The following CHD9 variants were observed in gnomAD, a reference collection of about 807,000 sequenced individuals.
The protein encoded by CHD9 is ATP-dependent chromatin remodeler CHD9.
CHD9 carries 77 observed loss-of-function variants against 316.1 expected under a neutral mutation model. The ratio of observed to expected loss-of-function variants is 0.24; its 90% CI spans 0.20 to 0.29. The LOEUF is 0.29. Among genes scored for constraint, CHD9 ranks in the 10% least tolerant of loss-of-function variants. CHD9 has a pLI of 1.00. For missense variants in CHD9, 2,763 were observed against 3,438.1 expected, an observed-to-expected ratio of 0.80 and a Z score of 4.91; for synonymous variants, 1,129 against 1,158.3, an observed-to-expected ratio of 0.97 and a Z score of 0.51.
chr16:53,200,370 CAAA>C (rs60076527), intron 2 of CHD9, among the ~76,000 whole-genome samples: 16 of 88,224 alleles, frequency 1.8e-4, no homozygotes, highest in South Asian at 1.1e-3. Context: ...TACTCTGTCT[CAAA>C]AAAAAAAAAA....
chr16:53,059,483 A>G (rs530138139), intron 1 of CHD9, among the ~76,000 whole-genome samples: 2 of 152,310 alleles, frequency 1.3e-5, no homozygotes, highest in South Asian at 4.1e-4. Flanking sequence ...TAGTCAAAAA[A>G]TATTACTGGT....
chr16:53,123,299 GC>G (rs1455604208), intron 1 of CHD9, among the ~76,000 whole-genome samples: 4 of 147,654 alleles, frequency 2.7e-5, no homozygotes, highest in Non-Finnish European at 5.9e-5. Context: ...CTATTTTATT[GC>G]CCCCCAGAAG....
intron 2 of CHD9, among the ~76,000 whole-genome samples, chr16:53,204,058 TACACACACACAC>T (rs58259105): frequency 1.1e-4 from 7 of 63,010 alleles, no homozygotes; most frequent in Admixed American, 5.6e-4. Context: ...AATATATATA[TACACACACACAC>T]ACACACACAC....
Position 53,292,974 on chromosome 16 carries a change from C to T in CHD9, c.5432C>T (p.Pro1811Leu). ...CAGATACAACCGACTTTCTCGGTGCCTACCAGTGTAATGCAGCCTATTTAT... is the reference window on the plus strand; with the variant it reads ...CAGATACAACCGACTTTCTCGGTGCTTACCAGTGTAATGCAGCCTATTTAT... ...IQQIQPTFSV[P>L]TSVMQPIYEE... is the part of the protein sequence containing the mutation. Residue 1811 changes from proline (P) to leucine (L), a missense_variant, in exon 29 of 39, where the codon CCT (proline) becomes CTT (leucine). Pro to Leu is a moderately conservative substitution (Grantham distance 98). Transcript: ENST00000447540. The T allele has an allele frequency of 6.2e-7, 1 of 1,613,808 alleles. No homozygotes were observed. The highest frequency in any genetic ancestry group is 1.1e-5 in the South Asian group (1 of 91,066).
At position 53,273,678 on chromosome 16, in the gene CHD9, A is replaced by T; in HGVS notation, c.4770A>T (p.Gln1590His). 1 of 1,613,284 alleles carries T rather than the reference A, an allele frequency of 6.2e-7. No homozygotes were observed. The highest frequency in any genetic ancestry group is 8.5e-7 in the Non-Finnish European group (1 of 1,179,478). Reference protein sequence around the residue: ...RGRKGKKVKTQTSSFDIQKAE... With the variant: ...RGRKGKKVKTHTSSFDIQKAE... ...GAAAAGGGAAGAAAGTAAAAACTCA[A>T]ACAAGCTCATTTGATATACAAAAAG... Residue 1590 changes from glutamine to histidine, a missense_variant, in exon 23 of 39, where the codon CAA becomes CAT. By Grantham distance (24) the Gln-to-His change is conservative (BLOSUM62 0). This residue lies in a region of CHD9 where 99 missense variants were observed against 131.6 expected (regional missense o/e 0.75). Transcript: ENST00000447540.
chr16:53,129,184 A>T (rs1367874272), intron 1 of CHD9, among the ~76,000 whole-genome samples: 1 of 152,218 alleles, frequency 6.6e-6, no homozygotes, highest in Non-Finnish European at 1.5e-5. Context: ...ATTCAAGAAA[A>T]CACGAACGTT....
chr16:53,298,019 A>G (rs2054961185), intron 30 of CHD9, among the ~76,000 whole-genome samples: 1 of 152,212 alleles, frequency 6.6e-6, no homozygotes, highest in Non-Finnish European at 1.5e-5. Context: ...TTTTTTAAAA[A>G]TTTTCTTAAT....
At chr16:53,290,274 AAAG>A (rs1400057905) in intron 27 of CHD9, among the ~76,000 whole-genome samples, 1 of 152,112 alleles carries the variant, frequency 6.6e-6, no homozygotes, top group Admixed American at 6.5e-5. Flanking sequence ...GTCTCAAAAA[AAAG>A]AAACTGCTCA....
At chr16:53,142,040 A>G (rs577061289) in intron 1 of CHD9, among the ~76,000 whole-genome samples, 1 of 152,336 alleles carries the variant, frequency 6.6e-6, no homozygotes, top group South Asian at 2.1e-4. Context: ...TAGGAAGTAC[A>G]TATGTTGAGA....
intron 2 of CHD9, among the ~76,000 whole-genome samples, chr16:53,188,377 C>A (rs997491850): frequency 3.3e-5 from 5 of 151,910 alleles, no homozygotes; most frequent in African/African-American, 9.7e-5. Flanking sequence ...TATGTTTGAC[C>A]TTTTGGGTAA....
At position 53,112,366 on chromosome 16, in the gene CHD9, G is replaced by A. The variant is rs1295742214; in HGVS notation, c.-164-43560G>A. Among the ~76,000 whole-genome samples the A allele has an allele frequency of 2.0e-5, 3 of 152,192 alleles. No individual in the cohort carries two copies. The East Asian group carries it at 5.8e-4, about 29-fold the overall frequency. On this transcript the variant is annotated intron_variant, in intron 1 of 38. Transcript: ENST00000447540. ...TCTAGGGGTGAAAACAGACTTTGGG[G>A]AAGAAATAAGTGGGTTTTTCAATGT...
At chr16:53,089,292 A>G (rs1190735241) in intron 1 of CHD9, among the ~76,000 whole-genome samples, 3 of 152,152 alleles carry the variant, frequency 2.0e-5, no homozygotes, top group Non-Finnish European at 4.4e-5. Flanking sequence ...TCTCAAAAAA[A>G]CAAAACAAAA....
chr16:53,288,690 G>A (rs2054091783), intron 27 of CHD9, among the ~76,000 whole-genome samples: 1 of 152,146 alleles, frequency 6.6e-6, no homozygotes, highest in African/African-American at 2.4e-5. Flanking sequence ...AATCCTATAT[G>A]AGGTCAAGAG....
rs142165034 is a variant in CHD9, at chr16:53,126,356, T to G, written c.-164-29570T>G. Among the ~76,000 whole-genome samples, 16 of 152,346 alleles carry G rather than the reference T, an allele frequency of 1.1e-4. No homozygotes were observed. The East Asian group carries it at 2.5e-3, about 24-fold the overall frequency. ...TTACTGAAAATCAATTGACCATCAA[T>G]TGACCATAAATGTAAGAGTTTATTT... On this transcript the variant is annotated intron_variant, in intron 1 of 38. Coordinates refer to ENST00000447540, the MANE Select transcript of CHD9 (RefSeq NM_001308319.2).
chr16:53,229,359 A>G (rs1373341459), intron 8 of CHD9, among the ~76,000 whole-genome samples: 1 of 152,224 alleles, frequency 6.6e-6, no homozygotes, highest in Non-Finnish European at 1.5e-5. Context: ...GTTGAATGTG[A>G]GTATGGTAAT....
chr16:53,303,611 C>A (rs2055653151), intron 30 of CHD9, 109 bp from the exon 31 acceptor site: 1 of 792,520 alleles, frequency 1.3e-6, no homozygotes, highest in South Asian at 3.7e-5. Flanking sequence ...CATGGAGGCA[C>A]ATTTTAGAAA....
chr16:53,297,319 G>A (rs140491953), intron 30 of CHD9, among the ~76,000 whole-genome samples, 161 bp downstream of exon 30: 188 of 152,180 alleles, frequency 1.2e-3, no homozygotes, highest in African/African-American at 4.0e-3. Flanking sequence ...TAAAGATCGC[G>A]TATTTGTTAA....
chr16:53,157,279 A>C lies in CHD9; in HGVS notation c.1190A>C (p.Gln397Pro). The stretch of plus-strand genomic sequence containing the variant: ...AATTTACTTCATCAAGTGGAATCTC[A>C]AACTGAGCCATTCACAGGACTTGAC... ...EENLLHQVESQTEPFTGLDPE... is the reference protein window; with the variant it reads ...EENLLHQVESPTEPFTGLDPE... The change falls in exon 2 of 39, where the codon CAA becomes CCA. Residue 397 changes from glutamine (Q) to proline (P), a missense_variant. Physicochemically the swap from Gln to Pro is moderately conservative, Grantham distance 76. Coordinates refer to ENST00000447540, the MANE Select transcript of CHD9 (RefSeq NM_001308319.2). 1 of 1,608,744 alleles carries C rather than the reference A, an allele frequency of 6.2e-7. No homozygotes were observed. The highest frequency in any genetic ancestry group is 1.1e-5 in the South Asian group (1 of 90,366).
intron 2 of CHD9, among the ~76,000 whole-genome samples, chr16:53,183,939 A>ATT (rs1000514484): frequency 2.7e-5 from 4 of 145,600 alleles, no homozygotes; most frequent in African/African-American, 7.5e-5. Context: ...TACCTGGCTA[A>ATT]TTTTTTTTTT....
Sources: gnomAD v4.1 joint callset for allele counts (sites outside exome capture counted in the v4.1 genomes callset) on GRCh38, gnomAD v4.1.1 for gene constraint, gnomAD v4.1.1 regional missense constraint, MANE v1.5 for transcripts, NCBI Gene and HGNC (gene_info 2026-07-23, HGNC 2026-07-21) for gene names.